SAP30BP: variants seen among roughly 807,000 people sequenced by gnomAD.
The protein encoded by SAP30BP is SAP30 binding protein.
In SAP30BP, 31 loss-of-function variants were observed where a neutral mutation model predicts 46.3. The observed-to-expected ratio is 0.67, with a 90% CI of 0.50 to 0.90. The LOEUF (loss-of-function observed/expected upper bound fraction) is 0.90, where lower values mean the gene tolerates loss of function less well. SAP30BP is among the 40% of genes least tolerant of loss of function. SAP30BP has a pLI of 0.00. For missense variants in SAP30BP, 312 were observed against 391.0 expected, an observed-to-expected ratio of 0.80 and a Z score of 1.70; for synonymous variants, 169 against 144.2, an observed-to-expected ratio of 1.17 and a Z score of -1.23.
At chr17:75,687,200 T>C (rs1479870020) in intron 3 of SAP30BP, among the ~76,000 whole-genome samples, 1 of 152,254 alleles carries the variant, frequency 6.6e-6, no homozygotes, top group Non-Finnish European at 1.5e-5. Context: ...TCCTCAATGC[T>C]TGGCCCATTG....
chr17:75,689,090 TC>T (rs1328075146), intron 3 of SAP30BP, among the ~76,000 whole-genome samples: 2 of 151,890 alleles, frequency 1.3e-5, no homozygotes, highest in Non-Finnish European at 2.9e-5. Flanking sequence ...AAACCATACT[TC>T]CTCTTTCCTC....
rs377404831 is a variant in SAP30BP at position 75,706,522 on chromosome 17, C to T, written c.*1C>T. 1 of 1,613,774 alleles carries T rather than the reference C, an allele frequency of 6.2e-7. No individual in the cohort carries two copies. The highest frequency in any genetic ancestry group is 2.2e-5 in the East Asian group (1 of 44,876). On this transcript the variant is annotated 3_prime_UTR_variant, in exon 11 of 11. Transcript: ENST00000584667. The surrounding 1 kb of genome is among the most constrained non-coding windows in gnomAD (Gnocchi z 4.6). ...CATTGTGAAGAAGGCCAAGCAGTGA[C>T]CTGAGGGGCCACCCTAGGACTTGAA...
intron 2 of SAP30BP, among the ~76,000 whole-genome samples, chr17:75,671,256 T>C (rs1051572930): frequency 1.3e-5 from 2 of 152,210 alleles, no homozygotes; most frequent in African/African-American, 4.8e-5. Context: ...GGTCACTTGC[T>C]CAGGTAGTTT....
intron 3 of SAP30BP, chr17:75,692,522 A>G: frequency 2.0e-6 from 2 of 985,382 alleles, no homozygotes; most frequent in Non-Finnish European, 2.4e-6. Context: ...GAAATGGGGG[A>G]AACAGGTGTG....
chr17:75,681,219 G>T (rs2060071620), intron 3 of SAP30BP, among the ~76,000 whole-genome samples: 1 of 152,204 alleles, frequency 6.6e-6, no homozygotes, highest in African/African-American at 2.4e-5. Context: ...ATATCCTGTG[G>T]CACCTTTGTG....
At chr17:75,693,725 T>C (rs1311344022) in intron 4 of SAP30BP, among the ~76,000 whole-genome samples, 1 of 152,224 alleles carries the variant, frequency 6.6e-6, no homozygotes, top group Admixed American at 6.5e-5. Context: ...TTGCCAGCGC[T>C]GTCAAGAGGG....
intron 2 of SAP30BP, among the ~76,000 whole-genome samples, chr17:75,671,086 C>G (rs777577796): frequency 6.6e-6 from 1 of 152,134 alleles, no homozygotes; most frequent in Admixed American, 6.6e-5. Context: ...AATGCCTTAC[C>G]GTGTGTGATC....
In SAP30BP at chr17:75,699,877, C is replaced by T. The variant is rs1484768519; in HGVS notation, c.396+6C>T. The T allele has an allele frequency of 1.2e-6, 2 of 1,605,390 alleles. No individual in the cohort carries two copies. Among genetic ancestry groups the T allele is most frequent in the East Asian group, 2.2e-5 (1 of 44,788 alleles). On this transcript the variant is annotated splice_donor_region_variant and intron_variant, in intron 5 of 10. Transcript: ENST00000584667. ...GATGTTCAAATCACTTGCAAGTAAGCATGAGACTCGGCTACTGAGGTCGGA... is the reference window on the plus strand; with the variant it reads ...GATGTTCAAATCACTTGCAAGTAAGTATGAGACTCGGCTACTGAGGTCGGA...
At chr17:75,680,680 A>G (rs1328583883) in intron 3 of SAP30BP, among the ~76,000 whole-genome samples, 2 of 152,192 alleles carry the variant, frequency 1.3e-5, no homozygotes, top group African/African-American at 4.8e-5. Flanking sequence ...AGGCGCCACG[A>G]TTTCTCGGCT....
At chr17:75,684,412 C>G (rs1382958488) in intron 3 of SAP30BP, 3 of 152,218 alleles carry the variant, frequency 2.0e-5, no homozygotes, top group Non-Finnish European at 4.4e-5. Context: ...CTCCCATACC[C>G]TGTAATCTTT....
At chr17:75,703,053 T>C in intron 6 of SAP30BP, 1 of 520,494 alleles carries the variant, frequency 1.9e-6, no homozygotes, top group South Asian at 2.6e-5. Context: ...CTGAGTGTGG[T>C]AAGCCCAATC....
At chr17:75,678,168 A>C (rs1568303247) in intron 3 of SAP30BP, among the ~76,000 whole-genome samples, 1 of 152,098 alleles carries the variant, frequency 6.6e-6, no homozygotes, top group Non-Finnish European at 1.5e-5. Flanking sequence ...TCGCGAAAAT[A>C]ATCATCATAA....
At chr17:75,683,657 G>A (rs750753402) in intron 3 of SAP30BP, 2 of 152,282 alleles carry the variant, frequency 1.3e-5, no homozygotes, top group Non-Finnish European at 2.9e-5. Flanking sequence ...GGAATAACTC[G>A]TTCTTTAAGC....
intron 9 of SAP30BP, chr17:75,705,621 G>A (rs573484532): frequency 9.5e-7 from 1 of 1,047,942 alleles, no homozygotes; most frequent in South Asian, 3.4e-5. Context: ...GCTTGTTGCA[G>A]GGACGTGTCT....
chr17:75,671,772 G>A lies in SAP30BP; in HGVS notation c.217-44G>A, dbSNP rs771073719. On this transcript the variant is annotated intron_variant, in intron 2 of 10. Transcript: ENST00000584667. The stretch of plus-strand genomic sequence containing the variant: ...TAGTTATGCATGTGAGACTCCTCAG[G>A]CCCGCTCCTTTAAGCTTAATCCTCT... The A allele has an allele frequency of 2.6e-6, 4 of 1,533,208 alleles. No homozygotes were observed. In the South Asian group the frequency reaches 4.5e-5, roughly 17 times the overall value. The allele number at this position is 1,533,208 out of a possible 1,614,324, so 95.0% of individuals were successfully genotyped here.
chr17:75,683,748 T>G (rs961170679), intron 3 of SAP30BP: 8 of 152,218 alleles, frequency 5.3e-5, no homozygotes, highest in African/African-American at 1.9e-4. Context: ...TTGGTAGCAT[T>G]TTTTCTGTGA....
intron 5 of SAP30BP, chr17:75,700,091 C>A: frequency 2.7e-6 from 1 of 375,074 alleles, no homozygotes; most frequent in Non-Finnish European, 4.9e-6. Flanking sequence ...TGGTGCTGCT[C>A]CAGCAGGGCG....
chr17:75,682,147 G>GA (rs1356159350), intron 3 of SAP30BP, among the ~76,000 whole-genome samples: 4 of 150,660 alleles, frequency 2.7e-5, no homozygotes, highest in East Asian at 1.9e-4. Context: ...TTTGCAAAAG[G>GA]AAAAAAAATC....
intron 9 of SAP30BP, 163 bp from the exon 10 acceptor site, chr17:75,705,842 GTTC>G (rs1245258670): frequency 1.9e-5 from 21 of 1,129,556 alleles, no homozygotes; most frequent in African/African-American, 4.7e-5. Flanking sequence ...GCCCCTTTGG[GTTC>G]TTCTTAGACA....
Sources: gnomAD v4.1 joint callset for allele counts (sites outside exome capture counted in the v4.1 genomes callset) on GRCh38, gnomAD v4.1.1 for gene constraint, Gnocchi (gnomAD v3.1) non-coding constraint, MANE v1.5 for transcripts, NCBI Gene and HGNC (gene_info 2026-07-23, HGNC 2026-07-21) for gene names.